Variants in EPB41L4A observed in about 807,000 individuals in gnomAD.
The protein encoded by EPB41L4A is band 4.1-like protein 4A.
A neutral mutation model predicts 108.6 loss-of-function variants in EPB41L4A; 100 were observed. That is an observed-to-expected ratio of 0.92 (90% CI 0.78 to 1.09). EPB41L4A has a LOEUF of 1.09. Among genes scored for constraint, EPB41L4A ranks in the 50% least tolerant of loss-of-function variants. The pLI, the probability that EPB41L4A is intolerant of heterozygous loss-of-function variation, is 0.00. For missense variants in EPB41L4A, 1,030 were observed against 842.7 expected, an observed-to-expected ratio of 1.22 and a Z score of -2.75; for synonymous variants, 319 against 289.0, an observed-to-expected ratio of 1.10 and a Z score of -1.05.
chr5:112,192,900 T>C (rs1216206249), intron 17 of EPB41L4A, among the ~76,000 whole-genome samples: 1 of 152,190 alleles, frequency 6.6e-6, no homozygotes, highest in Non-Finnish European at 1.5e-5. Context: ...GCTTGATCAA[T>C]AAAAAGTGTT....
chr5:112,226,065 A>G (rs1048574936), intron 12 of EPB41L4A, among the ~76,000 whole-genome samples: 1 of 152,146 alleles, frequency 6.6e-6, no homozygotes, highest in Non-Finnish European at 1.5e-5. Context: ...CTTTCATAGC[A>G]GATACTGTGG....
exon 14 of EPB41L4A, chr5:112,142,691 G>A (rs1759111549): frequency 6.6e-6 from 1 of 152,300 alleles, no homozygotes; most frequent in East Asian, 1.9e-4. Flanking sequence ...GAGATTTTCG[G>A]TCAGAAGATT....
chr5:112,266,921 C>G (rs546323791), intron 4 of EPB41L4A, among the ~76,000 whole-genome samples: 1 of 152,234 alleles, frequency 6.6e-6, no homozygotes, highest in East Asian at 1.9e-4. Flanking sequence ...TAGGTTAAGA[C>G]TTTAAAAATG....
At chr5:112,403,760 G>A (rs1422308) in intron 1 of EPB41L4A, among the ~76,000 whole-genome samples, 100 of 152,288 alleles carry the variant, frequency 6.6e-4, no homozygotes, top group Admixed American at 2.2e-3. Context: ...AAGGTACTGC[G>A]CGAGGCCTAA....
intron 1 of EPB41L4A, among the ~76,000 whole-genome samples, chr5:112,313,791 A>T (rs1319178290): frequency 6.6e-6 from 1 of 151,304 alleles, no homozygotes; most frequent in African/African-American, 2.4e-5. Context: ...ATGAGCTGTT[A>T]ATTTGTATAC....
chr5:112,272,141 T>TTTC (rs1194881533), intron 4 of EPB41L4A, among the ~76,000 whole-genome samples: 2 of 148,990 alleles, frequency 1.3e-5, no homozygotes, highest in African/African-American at 4.9e-5. Flanking sequence ...TATTTGTATT[T>TTTC]TTTTTTTTTT....
At chr5:112,259,190 A>G in intron 9 of EPB41L4A, 39 bp downstream of exon 9, 1 of 1,449,892 alleles carries the variant, frequency 6.9e-7, no homozygotes, top group Non-Finnish European at 9.7e-7. Flanking sequence ...CACACAAGAC[A>G]CCCCTCTTCT....
In EPB41L4A at chr5:112,259,231, C is replaced by T. The variant is rs1368823129; in HGVS notation, c.793G>A (p.Asp265Asn). ...TQFELRVLGK[D>N]CNETSFFFEA... ...AAGCTAAGGGCTTGGAAACTTACAT[C>T]TTTTCCCAGTACTCTGAGTTCAAAT... Residue 265 changes from aspartate (D) to asparagine (N), a missense_variant and splice_region_variant, in exon 9 of 23, where the codon GAT (aspartate) becomes AAT (asparagine). Physicochemically the swap from Asp to Asn is conservative, Grantham distance 23 (BLOSUM62 1). Coordinates refer to ENST00000261486, the MANE Select transcript of EPB41L4A (RefSeq NM_022140.5). The T allele has an allele frequency of 1.2e-6, 2 of 1,612,864 alleles. No homozygotes were observed. The highest frequency in any genetic ancestry group is 2.7e-5 in the African/African-American group (2 of 74,888).
Position 112,194,195 on chromosome 5 carries a change from T to C in EPB41L4A, c.1502+373A>G, listed in dbSNP as rs17134222. Among the ~76,000 whole-genome samples the C allele has an allele frequency of 6.2e-3, 938 of 152,294 alleles. 20 individuals carry two copies. In the South Asian group the frequency reaches 0.062, roughly 10 times the overall value. ...AATCTAAGAAACAATGAGTTATTTT[T>C]GGTTGGGTAAAATATAGTAATGCCA... is the stretch of plus-strand genomic sequence containing the variant. On this transcript the variant is annotated intron_variant, in intron 17 of 22. Coordinates refer to ENST00000261486, the MANE Select transcript of EPB41L4A (RefSeq NM_022140.5).
intron 1 of EPB41L4A, among the ~76,000 whole-genome samples, chr5:112,395,284 A>G (rs1157039468): frequency 6.6e-6 from 1 of 152,250 alleles, no homozygotes; most frequent in Admixed American, 6.5e-5. Context: ...ACAGCAAAAG[A>G]AACTACCATC....
intron 1 of EPB41L4A, among the ~76,000 whole-genome samples, chr5:112,415,035 T>TA (rs1253831922): frequency 2.0e-5 from 3 of 152,352 alleles, no homozygotes; most frequent in African/African-American, 7.2e-5. Context: ...CATATAAACT[T>TA]AATATAATTT....
At chr5:112,195,006 G>A (rs1421197877) in intron 16 of EPB41L4A, among the ~76,000 whole-genome samples, 3 of 152,012 alleles carry the variant, frequency 2.0e-5, no homozygotes, top group African/African-American at 4.8e-5. Context: ...CCTCCCATCC[G>A]CCCCACTGAG....
chr5:112,285,479 G>C (rs2150520400), intron 2 of EPB41L4A, among the ~76,000 whole-genome samples: 1 of 152,242 alleles, frequency 6.6e-6, no homozygotes, highest in South Asian at 2.1e-4. Flanking sequence ...GGCCCTCTAA[G>C]CAACATCAAG....
At chr5:112,283,470 TCAAA>T (rs1753088223) in intron 2 of EPB41L4A, among the ~76,000 whole-genome samples, 1 of 152,036 alleles carries the variant, frequency 6.6e-6, no homozygotes, top group South Asian at 2.1e-4. Flanking sequence ...CAACAAGCAA[TCAAA>T]CAGAGCACAT....
chr5:112,321,707 G>A (rs1755793243), intron 1 of EPB41L4A, among the ~76,000 whole-genome samples: 1 of 152,098 alleles, frequency 6.6e-6, no homozygotes, highest in African/African-American at 2.4e-5. Context: ...AATAAAAAGG[G>A]CTTTTTAAAA....
intron 1 of EPB41L4A, among the ~76,000 whole-genome samples, chr5:112,402,627 A>G (rs936801356): frequency 6.6e-6 from 1 of 152,202 alleles, no homozygotes; most frequent in Admixed American, 6.5e-5. Flanking sequence ...CACTACAGAC[A>G]TTTATCACAT....
intron 1 of EPB41L4A, among the ~76,000 whole-genome samples, chr5:112,349,231 C>T (rs1394502929): frequency 6.6e-6 from 1 of 152,006 alleles, no homozygotes; most frequent in Non-Finnish European, 1.5e-5. Context: ...CATCATTTTA[C>T]AGGTATGCAG....
intron 4 of EPB41L4A, among the ~76,000 whole-genome samples, chr5:112,266,914 G>A (rs1027455149): frequency 2.6e-5 from 4 of 152,078 alleles, no homozygotes; most frequent in Non-Finnish European, 5.9e-5. Flanking sequence ...AACAACTTAG[G>A]TTAAGACTTT....
At chr5:112,343,652 T>C (rs1456551782) in intron 1 of EPB41L4A, among the ~76,000 whole-genome samples, 2 of 151,786 alleles carry the variant, frequency 1.3e-5, no homozygotes, top group African/African-American at 2.4e-5. Context: ...GAAGCCAGAC[T>C]TGGCTTTTAA....
Sources: gnomAD v4.1 joint callset for allele counts (sites outside exome capture counted in the v4.1 genomes callset) on GRCh38, gnomAD v4.1.1 for gene constraint, MANE v1.5 for transcripts, NCBI Gene and HGNC (gene_info 2026-07-23, HGNC 2026-07-21) for gene names.